The following SLC35B1 variants were observed in gnomAD, a reference collection of about 807,000 sequenced individuals.
The protein encoded by SLC35B1 is ATP/ADP exchanger ER.
In SLC35B1, 27 loss-of-function variants were observed where a neutral mutation model predicts 36.6. The observed-to-expected ratio is 0.74, with a 90% confidence interval of 0.54 to 1.02. The LOEUF (loss-of-function observed/expected upper bound fraction) is 1.02, where lower values mean the gene tolerates loss of function less well. Among genes scored for constraint, SLC35B1 ranks in the 50% least tolerant of loss-of-function variants. SLC35B1 has a pLI of 0.00. For missense variants in SLC35B1, 321 were observed against 383.2 expected, an observed-to-expected ratio of 0.84 and a Z score of 1.35; for synonymous variants, 162 against 152.5, an observed-to-expected ratio of 1.06 and a Z score of -0.46.
At chr17:49,706,027 T>TCATGCC in intron 3 of SLC35B1, 131 bp from the exon 4 acceptor site, 2 of 1,292,550 alleles carry the variant, frequency 1.5e-6, no homozygotes, top group Non-Finnish European at 2.2e-6. Context: ...AGCAGCCCTA[T>TCATGCC]CATGGCCCAA....
chr17:49,705,707 G>A (rs2073407249), intron 4 of SLC35B1, 159 bp downstream of exon 4: 1 of 740,746 alleles, frequency 1.3e-6, no homozygotes, highest in African/African-American at 1.7e-5. Context: ...CACAAGAAGT[G>A]ACACAGATGA....
At chr17:49,706,943 A>C in intron 2 of SLC35B1, 22 bp downstream of exon 2, 2 of 1,574,558 alleles carry the variant, frequency 1.3e-6, no homozygotes, top group Non-Finnish European at 1.7e-6. Flanking sequence ...GGTACCCAAC[A>C]AATTACTATC....
At chr17:49,701,610 GGGGCTTTAAATA>G (rs1485493583) in intron 8 of SLC35B1, 100 bp from the exon 9 acceptor site, 1 of 891,320 alleles carries the variant, frequency 1.1e-6, no homozygotes, top group East Asian at 2.4e-5. Context: ...CTCCAAAATG[GGGGCTTTAAATA>G]AAATACATGT....
intron 2 of SLC35B1, among the ~76,000 whole-genome samples, chr17:49,706,734 G>C (rs2073423942): frequency 6.6e-6 from 1 of 152,212 alleles, no homozygotes; most frequent in South Asian, 2.1e-4. Context: ...GAATATAGAA[G>C]ACCCATTCTC....
chr17:49,707,944 T>A lies in SLC35B1; in HGVS notation c.-111A>T. 1 of 1,555,546 alleles carries A rather than the reference T, an allele frequency of 6.4e-7. No homozygotes were observed. The highest frequency in any genetic ancestry group is 8.7e-7 in the Non-Finnish European group (1 of 1,149,678). On this transcript the variant is annotated 5_prime_UTR_variant, in exon 1 of 9. The change abolishes an upstream ATG in the 5' untranslated region. Transcript: ENST00000240333. ...TCGCCGACCGGCGGCAGGGGCCTCA[T>A]AGGAGCTGCATGCGACCGCTGTCCA...
Position 49,707,368 on chromosome 17 carries a change from G to T in SLC35B1, c.105-300C>A, listed in dbSNP as rs926007303. On this transcript the variant is annotated intron_variant, in intron 1 of 8. Transcript: ENST00000240333. ...CCCAGGCAGGAGGAGACGGTATTTC[G>T]GCTATGGCACCAAGGCCGAGGACGA... 4.2e-6 allele frequency: 6 copies of T among 1,428,660 alleles called. No homozygotes were observed. The Admixed American group carries it at 6.3e-5, about 15-fold the overall frequency. 88.5% of individuals were successfully genotyped at this position (1,428,660 alleles called of 1,614,324 possible).
chr17:49,704,189 G>A lies in SLC35B1; in HGVS notation c.566C>T (p.Ser189Phe), dbSNP rs1468216703. 1.9e-6 allele frequency: 3 copies of A among 1,613,912 alleles called. No individual in the cohort carries two copies. Among genetic ancestry groups the A allele is most frequent in the Non-Finnish European group, 2.5e-6 (3 of 1,180,026 alleles). The change falls in exon 6 of 9, where the codon TCC becomes TTC. Residue 189 changes from serine to phenylalanine, a missense_variant. Physicochemically the swap from Ser to Phe is radical, Grantham distance 155 (BLOSUM62 -2). Transcript: ENST00000240333. The part of the protein sequence containing the change: ...SLTLDGLTGV[S>F]QDHMRAHYQT... The stretch of plus-strand genomic sequence containing the variant: ...GTAATGAGCCCGCATGTGGTCCTGG[G>A]AAACACCAGTCAGTCCATCCAGGGT...
At chr17:49,707,127 C>T (rs904634859) in intron 1 of SLC35B1, 59 bp from the exon 2 acceptor site, 2 of 1,456,022 alleles carry the variant, frequency 1.4e-6, no homozygotes, top group African/African-American at 2.8e-5. Context: ...TCACTGTCAT[C>T]TAATATATCC....
At chr17:49,703,096 C>A in intron 7 of SLC35B1, 85 bp from the exon 8 acceptor site, 3 of 1,594,934 alleles carry the variant, frequency 1.9e-6, no homozygotes, top group Non-Finnish European at 2.6e-6. Context: ...CAGGGCTAAT[C>A]TTGCCACCCT....
At chr17:49,704,967 A>G in intron 5 of SLC35B1, 157 bp downstream of exon 5, 1 of 653,784 alleles carries the variant, frequency 1.5e-6, no homozygotes, top group Non-Finnish European at 2.6e-6. Flanking sequence ...CCACTATGGC[A>G]TTAATAGAGT....
chr17:49,703,525 G>C, intron 6 of SLC35B1: 4 of 460,752 alleles, frequency 8.7e-6, no homozygotes, highest in Non-Finnish European at 1.6e-5. Context: ...AGAAAGGCTT[G>C]AAAGTTAATG....
In SLC35B1 at chr17:49,706,954, T is replaced by C; in HGVS notation, c.208+11A>G. On this transcript the variant is annotated intron_variant, in intron 2 of 8. Transcript: ENST00000240333. ...GTGGGGTACCCAACAAATTACTATC[T>C]GGGTACTCACAGATCTTGGCAAACA... 1 of 1,601,508 alleles carries C rather than the reference T, an allele frequency of 6.2e-7. No homozygotes were observed. The highest frequency in any genetic ancestry group is 8.6e-7 in the Non-Finnish European group (1 of 1,168,514).
intron 4 of SLC35B1, 114 bp from the exon 5 acceptor site, chr17:49,705,395 G>A: frequency 8.9e-7 from 1 of 1,120,390 alleles, no homozygotes; most frequent in Non-Finnish European, 1.3e-6. Context: ...TGACTGAGAA[G>A]GAAGGCTTAG....
In SLC35B1 at chr17:49,702,741, C is replaced by T. The variant is rs180859028; in HGVS notation, c.916+117G>A. Reference sequence around the variant, plus strand: ...AGCCTGGGCAACAAGAGCGAAACTCCGTCTCAAAAAAAAGAGAAAAGTTTT... The same window carrying T: ...AGCCTGGGCAACAAGAGCGAAACTCTGTCTCAAAAAAAAGAGAAAAGTTTT... On this transcript the variant is annotated intron_variant, in intron 8 of 8. Coordinates refer to ENST00000240333, the MANE Select transcript of SLC35B1 (RefSeq NM_005827.4). The T allele has an allele frequency of 1.6e-3, 1,905 of 1,156,898 alleles. 3 individuals are homozygous for T. The highest frequency in any genetic ancestry group is 2.0e-3 in the Non-Finnish European group (1,663 of 829,878). 71.7% of individuals were successfully genotyped at this position (1,156,898 alleles called of 1,614,324 possible).
intron 8 of SLC35B1, 38 bp downstream of exon 8, chr17:49,702,820 A>G: frequency 6.4e-7 from 1 of 1,558,712 alleles, no homozygotes; most frequent in South Asian, 1.2e-5. Flanking sequence ...TTAGGAGAAA[A>G]AATTCAGCTG....
chr17:49,707,529 C>A, intron 1 of SLC35B1: 1 of 1,493,330 alleles, frequency 6.7e-7, no homozygotes, highest in Non-Finnish European at 8.9e-7. Flanking sequence ...AGAAAATAAC[C>A]AAGTCCGAAG....
Position 49,707,613 on chromosome 17 carries a change from A to G in SLC35B1, c.104+117T>C, listed in dbSNP as rs538596203. ...ATAGCTGCAAAAGTAGTAGGGTGCT[A>G]AGAGGGCGACAGCCGGGCAGGAGGA... On this transcript the variant is annotated intron_variant, in intron 1 of 8. Transcript: ENST00000240333. 2.2e-4 allele frequency: 316 copies of G among 1,453,720 alleles called. 5 individuals are homozygous for G. In the South Asian group the frequency reaches 4.0e-3, roughly 18 times the overall value. 90.1% of individuals were successfully genotyped at this position (1,453,720 alleles called of 1,614,324 possible).
In SLC35B1 at chr17:49,703,246, C is replaced by G. The variant is rs376187350; in HGVS notation, c.704G>C (p.Arg235Thr). ...ELWEFLSFAE[R>T]YPAIIYNILL... The stretch of plus-strand genomic sequence containing the variant: ...GATGTTATAGATGATGGCAGGGTAC[C>G]TTTCAGCAAAGCTCAAGAACTCCCA... Residue 235 changes from arginine (R) to threonine (T), a missense_variant, in exon 7 of 9, where the codon AGG becomes ACG. Coordinates refer to ENST00000240333, the MANE Select transcript of SLC35B1 (RefSeq NM_005827.4). 1.2e-6 allele frequency: 2 copies of G among 1,613,862 alleles called. No homozygotes were observed. Among genetic ancestry groups the G allele is most frequent in the Non-Finnish European group, 1.7e-6 (2 of 1,179,988 alleles).
In SLC35B1 at chr17:49,701,524, G is replaced by T; in HGVS notation, c.917-14C>A. The T allele has an allele frequency of 6.2e-7, 1 of 1,612,972 alleles. No individual in the cohort carries two copies. The highest frequency in any genetic ancestry group is 8.5e-7 in the Non-Finnish European group (1 of 1,179,110). ...CAAGACCAAGACCTATGAAAAGGAA[G>T]AAAATGGGCTTAGCCTTATGGGGGG... On this transcript the variant is annotated splice_polypyrimidine_tract_variant and intron_variant, in intron 8 of 8. Coordinates refer to ENST00000240333, the MANE Select transcript of SLC35B1 (RefSeq NM_005827.4).
Sources: gnomAD v4.1 joint callset for allele counts (sites outside exome capture counted in the v4.1 genomes callset) on GRCh38, gnomAD v4.1.1 for gene constraint, MANE v1.5 for transcripts, NCBI Gene and HGNC (gene_info 2026-07-23, HGNC 2026-07-21) for gene names.